APBA2: variants seen among roughly 807,000 people sequenced by gnomAD.
The protein encoded by APBA2 is amyloid beta precursor protein binding family A member 2, also known as amyloid-beta A4 precursor protein-binding family A member 2.
APBA2 carries 30 observed loss-of-function variants against 75.0 expected under a neutral mutation model. That is an observed-to-expected ratio of 0.40 (90% CI 0.30 to 0.54). APBA2 has a LOEUF of 0.54. APBA2 is among the 20% of genes least tolerant of loss of function. APBA2 has a pLI of 0.49. For missense variants in APBA2, 801 were observed against 1,016.1 expected (o/e 0.79, Z 2.88); for synonymous variants, 444 against 409.6 (o/e 1.08, Z -1.01).
intron 12 of APBA2, among the ~76,000 whole-genome samples, chr15:29,107,523 G>C (rs763170307): frequency 1.3e-4 from 20 of 152,162 alleles, no homozygotes; most frequent in Non-Finnish European, 2.9e-4. Context: ...CTCTTTGTTC[G>C]GCATGAGAGA....
chr15:29,052,049 A>G (rs2041618499), intron 3 of APBA2, among the ~76,000 whole-genome samples: 1 of 152,166 alleles, frequency 6.6e-6, no homozygotes, highest in Admixed American at 6.5e-5. Context: ...TAACTGGACT[A>G]CTGGAATATG....
chr15:28,887,582 C>T (rs892977399), intron 1 of APBA2, among the ~76,000 whole-genome samples: 12 of 152,104 alleles, frequency 7.9e-5, no homozygotes, highest in Non-Finnish European at 1.8e-4. Context: ...GATGCCCTGC[C>T]CTCTGTGCTG....
At position 29,067,795 on chromosome 15, in the gene APBA2, G is replaced by A. The variant is rs190049046; in HGVS notation, c.952-7126G>A. ...TTGGTACCTTCTTTATAGATCATCT[G>A]GTGAAACTTGTTTTTCAAATTATGA... On this transcript the variant is annotated intron_variant, in intron 4 of 14. Transcript: ENST00000683413. Among the ~76,000 whole-genome samples, 301 of 152,206 alleles carry A rather than the reference G, an allele frequency of 2.0e-3. 1 individual carries two copies. The highest frequency in any genetic ancestry group is 6.2e-3 in the African/African-American group (259 of 41,522).
At chr15:28,914,089 G>GA (rs1486767731) in intron 1 of APBA2, among the ~76,000 whole-genome samples, 3 of 152,206 alleles carry the variant, frequency 2.0e-5, no homozygotes, top group African/African-American at 7.2e-5. Context: ...TGTCTAGTCT[G>GA]AAAATGACTT....
intron 1 of APBA2, among the ~76,000 whole-genome samples, chr15:28,905,197 G>A (rs547621950): frequency 2.6e-5 from 4 of 152,232 alleles, no homozygotes; most frequent in South Asian, 4.2e-4. Flanking sequence ...TGAATTCTGC[G>A]GCCCCAGGAG....
chr15:29,064,515 C>T (rs1057035169), intron 4 of APBA2, among the ~76,000 whole-genome samples: 2 of 152,320 alleles, frequency 1.3e-5, no homozygotes, highest in South Asian at 4.1e-4. Flanking sequence ...TCCAGGCAGG[C>T]TTCCAGGACA....
At chr15:28,999,910 G>T (rs1377170244) in intron 3 of APBA2, among the ~76,000 whole-genome samples, 1 of 152,206 alleles carries the variant, frequency 6.6e-6, no homozygotes, top group African/African-American at 2.4e-5. Context: ...AACTGGTGCA[G>T]ATTCCAGTCC....
At chr15:28,941,263 G>C (rs2035207210) in intron 2 of APBA2, among the ~76,000 whole-genome samples, 1 of 152,130 alleles carries the variant, frequency 6.6e-6, no homozygotes. Context: ...CAAGCTGGGC[G>C]CTGGTGGCCC....
chr15:29,078,248 C>G (rs572106595), intron 6 of APBA2, among the ~76,000 whole-genome samples: 6 of 151,824 alleles, frequency 4.0e-5, no homozygotes, highest in African/African-American at 1.5e-4. Context: ...GAGCCAAGAT[C>G]ACACCAGTAT....
intron 3 of APBA2, among the ~76,000 whole-genome samples, chr15:29,033,964 C>CAAAA (rs34808408): frequency 1.8e-3 from 71 of 39,414 alleles, no homozygotes; most frequent in African/African-American, 3.4e-3. Flanking sequence ...GACTCCATCT[C>CAAAA]AAAAAAAAAA....
intron 1 of APBA2, chr15:28,895,379 G>T: frequency 6.6e-6 from 1 of 152,554 alleles, no homozygotes. Flanking sequence ...TTGGGAAAGA[G>T]AGCGGGAGCA....
intron 13 of APBA2, among the ~76,000 whole-genome samples, chr15:29,110,560 G>A (rs1596000774): frequency 1.3e-5 from 2 of 152,190 alleles, no homozygotes; most frequent in African/African-American, 4.8e-5. Flanking sequence ...ATATAGCCCT[G>A]CCCGGGATGA....
In APBA2 at chr15:28,918,551, G is replaced by A. The variant is rs1459089842; in HGVS notation, c.-204-3089G>A. On this transcript the variant is annotated intron_variant, in intron 1 of 14. Coordinates refer to ENST00000683413, the MANE Select transcript of APBA2 (RefSeq NM_001353788.2). This position sits in a 1 kb window ranked among gnomAD's most constrained non-coding sequence, Gnocchi z 4.2. The stretch of plus-strand genomic sequence containing the variant: ...GCCTTCCCTTTGGTCGCCCCCTGGC[G>A]TCCGCGTCATTGTGGGAACACTCGG... Among the ~76,000 whole-genome samples the A allele has an allele frequency of 6.6e-6, 1 of 151,328 alleles. No individual in the cohort carries two copies. The highest frequency in any genetic ancestry group is 6.6e-5 in the Admixed American group (1 of 15,098).
chr15:29,106,281 C>T (rs1454962902), intron 11 of APBA2, among the ~76,000 whole-genome samples: 1 of 151,600 alleles, frequency 6.6e-6, no homozygotes, highest in Non-Finnish European at 1.5e-5. Flanking sequence ...CACTGGAGCC[C>T]TGCTTGGGGT....
intron 2 of APBA2, among the ~76,000 whole-genome samples, chr15:28,929,314 A>C (rs1416083295): frequency 6.6e-6 from 1 of 152,160 alleles, no homozygotes; most frequent in African/African-American, 2.4e-5. Flanking sequence ...GAAAGGGATA[A>C]ATAACGAGGC....
intron 6 of APBA2, 91 bp downstream of exon 6, chr15:29,076,182 C>T: frequency 7.2e-7 from 1 of 1,385,750 alleles, no homozygotes. Flanking sequence ...ACCTGCAAAG[C>T]TTGTTTACAA....
intron 2 of APBA2, among the ~76,000 whole-genome samples, chr15:28,988,873 AT>A (rs2038069339): frequency 6.6e-6 from 1 of 152,166 alleles, no homozygotes; most frequent in Non-Finnish European, 1.5e-5. Context: ...GCTAAATTTT[AT>A]TCCAAAGTGT....
At chr15:29,100,094 A>G (rs1595965480) in intron 9 of APBA2, among the ~76,000 whole-genome samples, 1 of 152,330 alleles carries the variant, frequency 6.6e-6, no homozygotes, top group East Asian at 1.9e-4. Flanking sequence ...AGCCATTCAG[A>G]GCAGGAGAGC....
chr15:28,950,979 C>CT (rs1032760580), intron 2 of APBA2, among the ~76,000 whole-genome samples: 2 of 152,134 alleles, frequency 1.3e-5, no homozygotes, highest in African/African-American at 4.8e-5. Context: ...AGAGAGATCC[C>CT]TACCTTTTTG....
Sources: gnomAD v4.1 joint callset for allele counts (sites outside exome capture counted in the v4.1 genomes callset) on GRCh38, gnomAD v4.1.1 for gene constraint, Gnocchi (gnomAD v3.1) non-coding constraint, MANE v1.5 for transcripts, NCBI Gene and HGNC (gene_info 2026-07-23, HGNC 2026-07-21) for gene names.